Variants in CADM2 observed in about 807,000 individuals in gnomAD.
CADM2 encodes cell adhesion molecule 2, also known as immunoglobulin superfamily member 4D.
A neutral mutation model predicts 49.8 loss-of-function variants in CADM2; 12 were observed. The observed-to-expected ratio is 0.24, with a 90% CI of 0.15 to 0.39. CADM2 has a LOEUF of 0.39. Among genes scored for constraint, CADM2 ranks in the 10% least tolerant of loss-of-function variants. The pLI, the probability that CADM2 is intolerant of heterozygous loss-of-function variation, is 1.00. For synonymous variants in CADM2, 214 were observed against 175.4 expected, an observed-to-expected ratio of 1.22 and a Z score of -1.74; for missense variants, 378 against 492.3, an observed-to-expected ratio of 0.77 and a Z score of 2.20.
At chr3:85,656,618 A>G (rs1002728262) in intron 1 of CADM2, among the ~76,000 whole-genome samples, 4 of 152,152 alleles carry the variant, frequency 2.6e-5, no homozygotes, top group African/African-American at 4.8e-5. Flanking sequence ...TCCATCTCCA[A>G]AATAATAATA....
chr3:85,598,643 C>A (rs1425576807), intron 1 of CADM2, among the ~76,000 whole-genome samples: 1 of 151,488 alleles, frequency 6.6e-6, no homozygotes, highest in Non-Finnish European at 1.5e-5. Context: ...CTTAATTGGT[C>A]ATTTAAAAAA....
chr3:85,944,955 C>CA (rs1443629670), intron 7 of CADM2, among the ~76,000 whole-genome samples: 1 of 151,670 alleles, frequency 6.6e-6, no homozygotes, highest in East Asian at 1.9e-4. Flanking sequence ...AATAGAGACA[C>CA]AAAAAACCCT....
chr3:85,067,499 A>C (rs560367099), intron 1 of CADM2, among the ~76,000 whole-genome samples: 2 of 152,274 alleles, frequency 1.3e-5, no homozygotes, highest in East Asian at 3.9e-4. Flanking sequence ...TAAGAAAGGG[A>C]GTCCTTTAAC....
intron 2 of CADM2, among the ~76,000 whole-genome samples, chr3:85,778,114 T>C (rs753719003): frequency 3.3e-5 from 5 of 152,084 alleles, no homozygotes; most frequent in Non-Finnish European, 5.9e-5. Flanking sequence ...AGGAAAACAT[T>C]TGGAAATGTT....
intron 1 of CADM2, among the ~76,000 whole-genome samples, chr3:85,368,544 A>G (rs2032966915): frequency 1.3e-5 from 2 of 150,176 alleles, no homozygotes; most frequent in African/African-American, 4.9e-5. Flanking sequence ...ATTAATATAT[A>G]CCTGAATATA....
chr3:86,021,105 T>A (rs1406916690), intron 8 of CADM2, among the ~76,000 whole-genome samples: 1 of 152,136 alleles, frequency 6.6e-6, no homozygotes, highest in African/African-American at 2.4e-5. Context: ...GTTTAAGTGA[T>A]TCTCATGCCT....
chr3:85,582,232 G>A (rs1332292016), intron 1 of CADM2, among the ~76,000 whole-genome samples: 1 of 151,970 alleles, frequency 6.6e-6, no homozygotes, highest in Non-Finnish European at 1.5e-5. Context: ...CCCTTAATTT[G>A]AAGTTCTAAT....
At chr3:85,046,278 C>T (rs2035649588) in intron 1 of CADM2, among the ~76,000 whole-genome samples, 1 of 150,770 alleles carries the variant, frequency 6.6e-6, no homozygotes, top group South Asian at 2.1e-4. Context: ...CAAATCTTTA[C>T]TTCTCCTTCA....
intron 1 of CADM2, among the ~76,000 whole-genome samples, chr3:85,154,696 C>A (rs1356240068): frequency 6.7e-6 from 1 of 149,112 alleles, no homozygotes; most frequent in Non-Finnish European, 1.5e-5. Context: ...AGAGAAAGGT[C>A]GGGTTACCCT....
chr3:85,514,513 A>G (rs964598673), intron 1 of CADM2, among the ~76,000 whole-genome samples: 2 of 152,100 alleles, frequency 1.3e-5, no homozygotes, highest in Admixed American at 6.5e-5. Flanking sequence ...TTCAATATAT[A>G]TAATATCATA....
chr3:85,522,871 G>C (rs2061058428), intron 1 of CADM2, among the ~76,000 whole-genome samples: 1 of 151,954 alleles, frequency 6.6e-6, no homozygotes, highest in African/African-American at 2.4e-5. Context: ...AAAGAGAAGA[G>C]AGGTCACAGG....
At chr3:85,717,947 T>C (rs1211029211) in intron 1 of CADM2, among the ~76,000 whole-genome samples, 1 of 152,114 alleles carries the variant, frequency 6.6e-6, no homozygotes, top group East Asian at 1.9e-4. Context: ...TTTTTGTATT[T>C]TTAGTAGAGA....
chr3:85,140,620 T>C (rs2107626941), intron 1 of CADM2, among the ~76,000 whole-genome samples: 1 of 152,314 alleles, frequency 6.6e-6, no homozygotes, highest in Admixed American at 6.5e-5. Flanking sequence ...ATCCTGAGCT[T>C]GCATTATTGT....
intron 1 of CADM2, among the ~76,000 whole-genome samples, chr3:85,162,206 A>C (rs2040348840): frequency 6.6e-6 from 1 of 152,120 alleles, no homozygotes; most frequent in Admixed American, 6.6e-5. Context: ...TTAATTTTTT[A>C]GTGCATGTTA....
Position 85,270,065 on chromosome 3 carries a change from A to T in CADM2, c.61+310397A>T, listed in dbSNP as rs2043205319. Among the ~76,000 whole-genome samples the T allele has an allele frequency of 2.0e-5, 3 of 151,428 alleles. No individual in the cohort carries two copies. In the South Asian group the frequency reaches 6.2e-4, roughly 31 times the overall value. On this transcript the variant is annotated intron_variant, in intron 1 of 9. Transcript: ENST00000383699. Reference sequence around the variant, plus strand: ...TTCAGGTATCATAGAGCTTGAGATCATCTATTGTGCCTAAAATCTTCCAGA... The same window carrying T: ...TTCAGGTATCATAGAGCTTGAGATCTTCTATTGTGCCTAAAATCTTCCAGA...
intron 1 of CADM2, among the ~76,000 whole-genome samples, chr3:85,290,179 C>A (rs1245506023): frequency 6.6e-6 from 1 of 152,038 alleles, no homozygotes; most frequent in Non-Finnish European, 1.5e-5. Context: ...AAAGGGGTGA[C>A]AGGCACCTGG....
intron 1 of CADM2, among the ~76,000 whole-genome samples, chr3:85,215,319 G>A (rs2041892813): frequency 7.5e-6 from 1 of 132,564 alleles, no homozygotes; most frequent in African/African-American, 2.9e-5. Context: ...CTCTGGTTAA[G>A]CTGCTGTCTA....
intron 8 of CADM2, among the ~76,000 whole-genome samples, chr3:86,007,507 G>A (rs1037989685): frequency 5.3e-5 from 8 of 152,148 alleles, no homozygotes; most frequent in African/African-American, 1.7e-4. Context: ...AGAATTTCAC[G>A]TGGGGATGGA....
intron 6 of CADM2, among the ~76,000 whole-genome samples, chr3:85,917,039 T>G (rs1383934593): frequency 1.3e-5 from 2 of 152,166 alleles, no homozygotes; most frequent in Admixed American, 1.3e-4. Flanking sequence ...GTAAATTTGT[T>G]TGAGTTAATT....
Sources: gnomAD v4.1 joint callset for allele counts (sites outside exome capture counted in the v4.1 genomes callset) on GRCh38, gnomAD v4.1.1 for gene constraint, MANE v1.5 for transcripts, NCBI Gene and HGNC (gene_info 2026-07-23, HGNC 2026-07-21) for gene names.